Variants in ZNF711 observed in about 807,000 individuals in gnomAD.
The protein encoded by ZNF711 is zinc finger protein 711.
In ZNF711, 3 loss-of-function variants were observed where a neutral mutation model predicts 43.5. The ratio of observed to expected loss-of-function variants is 0.07; its 90% CI spans 0.03 to 0.18. The LOEUF (loss-of-function observed/expected upper bound fraction) is 0.18. Ranked by LOEUF, ZNF711 falls within the 10% of genes least tolerant of loss-of-function variation. The probability of loss-of-function intolerance (pLI) is 1.00; values close to 1 mark genes in which losing one functional copy is unlikely to be tolerated. For synonymous variants in ZNF711, 209 were observed against 207.7 expected, an observed-to-expected ratio of 1.01 and a Z score of -0.06; for missense variants, 412 against 604.0, an observed-to-expected ratio of 0.68 and a Z score of 3.33.
intron 5 of ZNF711, among the ~76,000 whole-genome samples, chrX:85,257,528 T>G (rs1930271126): frequency 8.9e-6 from 1 of 112,472 alleles, no homozygotes; most frequent in Non-Finnish European, 1.9e-5. Flanking sequence ...CTGTGTAGTA[T>G]TCTGTGGTGT....
intron 4 of ZNF711, among the ~76,000 whole-genome samples, chrX:85,254,901 A>ATCCAGTTTC (rs1929981795): frequency 8.9e-6 from 1 of 111,819 alleles, no homozygotes; most frequent in Non-Finnish European, 1.9e-5. Flanking sequence ...CGTTTGAGAA[A>ATCCAGTTTC]TCCAGTTTCT....
chrX:85,252,330 T>C (rs1929616677), intron 4 of ZNF711, among the ~76,000 whole-genome samples: 1 of 111,732 alleles, frequency 8.9e-6, no homozygotes, highest in Non-Finnish European at 1.9e-5. Context: ...CTAGCACTGT[T>C]CCTTCAGTCT....
chrX:85,254,931 T>C (rs919558939), intron 4 of ZNF711, among the ~76,000 whole-genome samples: 2 of 112,170 alleles, frequency 1.8e-5, no homozygotes, highest in Non-Finnish European at 3.8e-5. Flanking sequence ...CACCAGCCTA[T>C]GGTGCTATCA....
At chrX:85,264,831 A>G (rs959974933) in intron 6 of ZNF711, among the ~76,000 whole-genome samples, 8 of 110,721 alleles carry the variant, frequency 7.2e-5, no homozygotes, top group African/African-American at 2.6e-4. Flanking sequence ...AATTCTCATA[A>G]TAATAAAAGC....
chrX:85,267,099 T>C (rs1050485186), intron 7 of ZNF711, among the ~76,000 whole-genome samples, 179 bp from the exon 8 acceptor site: 1 of 110,741 alleles, frequency 9.0e-6, no homozygotes, highest in African/African-American at 3.3e-5. Context: ...TTTTGGTAAA[T>C]GATTGTCTCC....
chrX:85,256,465 C>T (rs1364195935), intron 5 of ZNF711, among the ~76,000 whole-genome samples: 1 of 111,477 alleles, frequency 9.0e-6, no homozygotes, highest in Non-Finnish European at 1.9e-5. Flanking sequence ...TAAAAAATAT[C>T]TTGATAAGTT....
chrX:85,271,248 A>G lies in ZNF711; in HGVS notation c.1844A>G (p.Gln615Arg), dbSNP rs1156931834. The G allele has an allele frequency of 1.7e-6, 2 of 1,208,058 alleles. No individual in the cohort carries two copies. Among genetic ancestry groups the G allele is most frequent in the African/African-American group, 3.5e-5 (2 of 56,973 alleles). ...NLPYKCEHCP[Q>R]AFGDERELQR... ...CCATATAAATGTGAGCATTGTCCCCAAGCATTTGGTGATGAGAGGGAGCTT... is the reference window on the plus strand; with the variant it reads ...CCATATAAATGTGAGCATTGTCCCCGAGCATTTGGTGATGAGAGGGAGCTT... The change falls in exon 11 of 11, where the codon CAA becomes CGA. Residue 615 changes from glutamine to arginine, a missense_variant. Transcript: ENST00000674551.
intron 5 of ZNF711, among the ~76,000 whole-genome samples, chrX:85,263,954 A>C (rs1261980993): frequency 9.1e-6 from 1 of 110,295 alleles, no homozygotes; most frequent in Non-Finnish European, 1.9e-5. Context: ...CATGGATGTA[A>C]TATTGTGTAG....
At chrX:85,253,710 T>C (rs1243436261) in intron 4 of ZNF711, among the ~76,000 whole-genome samples, 1 of 109,029 alleles carries the variant, frequency 9.2e-6, no homozygotes, top group East Asian at 2.9e-4. Context: ...ACCACCACAA[T>C]GAAGATGCAG....
At chrX:85,266,809 T>C (rs1365234078) in intron 7 of ZNF711, among the ~76,000 whole-genome samples, 1 of 108,506 alleles carries the variant, frequency 9.2e-6, no homozygotes, top group Non-Finnish European at 1.9e-5. Flanking sequence ...TAATTTTTAT[T>C]TTTATTTTAA....
intron 4 of ZNF711, among the ~76,000 whole-genome samples, chrX:85,248,472 C>CAAAAAAA (rs1166126484): frequency 1.5e-4 from 3 of 19,965 alleles, no homozygotes; most frequent in East Asian, 1.9e-3. Flanking sequence ...GACTCAGTCT[C>CAAAAAAA]AAAAAAAAAA....
At chrX:85,245,062 CTT>C (rs1456479806) in intron 1 of ZNF711, among the ~76,000 whole-genome samples, 1 of 112,035 alleles carries the variant, frequency 8.9e-6, no homozygotes, top group Non-Finnish European at 1.9e-5. Context: ...GAAAAGGAGA[CTT>C]ATGCGGGAAG....
chrX:85,264,276 G>A lies in ZNF711; in HGVS notation c.624G>A (p.Leu208=), dbSNP rs1238360993. ...AATAATTTTGTTTATATTTTATAGT[G>A]GATGATGTTGGAGAAAAATTAGAGC... ...STSEDYLMIS[L]DDVGEKLEHM... The change falls in exon 6 of 11, where the codon TTG becomes TTA. Residue 208 remains leucine, a splice_region_variant and synonymous_variant. Transcript: ENST00000674551. The A allele has an allele frequency of 4.2e-6, 5 of 1,192,546 alleles. No individual in the cohort carries two copies. The highest frequency in any genetic ancestry group is 5.7e-6 in the Non-Finnish European group (5 of 880,022).
At chrX:85,255,880 T>A (rs1930087071) in intron 5 of ZNF711, 79 bp downstream of exon 5, 1 of 986,423 alleles carries the variant, frequency 1.0e-6, no homozygotes, top group Non-Finnish European at 1.4e-6. Context: ...ATGAGGGATA[T>A]ATTCAATAAA....
intron 8 of ZNF711, among the ~76,000 whole-genome samples, chrX:85,267,661 A>G (rs1002308240): frequency 8.9e-6 from 1 of 111,773 alleles, no homozygotes; most frequent in Admixed American, 9.6e-5. Flanking sequence ...TCCTACCTGT[A>G]TAAGTGAGTG....
At chrX:85,265,808 AG>A (rs763537270) in intron 7 of ZNF711, among the ~76,000 whole-genome samples, 1 of 110,997 alleles carries the variant, frequency 9.0e-6, no homozygotes, top group South Asian at 3.8e-4. Context: ...TAGCAATTGA[AG>A]GGCTGATGGT....
rs12557399 is a variant in ZNF711, at chrX:85,265,099, G to A, written c.779-19G>A. On this transcript the variant is annotated intron_variant, in intron 6 of 10. Transcript: ENST00000674551. ...TTCCATGATACTTCTCTATTTTAAT[G>A]CGTGTTTTAATTTTTAAGGTGGAAC... The A allele has an allele frequency of 0.16, 187,915 of 1,193,994 alleles. 11,852 individuals are homozygous for A. The highest frequency in any genetic ancestry group is 0.4 in the African/African-American group (22,621 of 56,127).
At chrX:85,250,177 T>G (rs1929427578) in intron 4 of ZNF711, among the ~76,000 whole-genome samples, 2 of 112,143 alleles carry the variant, frequency 1.8e-5, no homozygotes, top group South Asian at 7.3e-4. Flanking sequence ...GCTTTGCATC[T>G]TAGATTGAAG....
rs780662376 is a variant in ZNF711, at chrX:85,271,330, C to A, written c.1926C>A (p.Asp642Glu). Residue 642 changes from aspartate (D) to glutamate (E), a missense_variant, in exon 11 of 11, where the codon GAC becomes GAA. Transcript: ENST00000674551. ...GHKTHQCPHC[D>E]HKSTNSSDLK... ...AGACACACCAGTGTCCTCATTGTGACCATAAGAGCACCAATTCAAGTGACC... is the reference window on the plus strand; with the variant it reads ...AGACACACCAGTGTCCTCATTGTGAACATAAGAGCACCAATTCAAGTGACC... 57 of 1,208,406 alleles carry A rather than the reference C, an allele frequency of 4.7e-5. No homozygotes were observed. The highest frequency in any genetic ancestry group is 5.8e-5 in the Non-Finnish European group (52 of 894,527).
Sources: gnomAD v4.1 joint callset for allele counts (sites outside exome capture counted in the v4.1 genomes callset) on GRCh38, gnomAD v4.1.1 for gene constraint, MANE v1.5 for transcripts, NCBI Gene and HGNC (gene_info 2026-07-23, HGNC 2026-07-21) for gene names.